KIF13B: variants seen among roughly 807,000 people sequenced by gnomAD.
KIF13B encodes the protein kinesin-like protein KIF13B.
KIF13B carries 127 observed loss-of-function variants against 222.0 expected under a neutral mutation model. That is an observed-to-expected ratio of 0.57 (90% CI 0.50 to 0.66). The LOEUF (loss-of-function observed/expected upper bound fraction) is 0.66, where lower values mean the gene tolerates loss of function less well. Ranked by LOEUF, KIF13B falls within the 30% of genes least tolerant of loss-of-function variation. The pLI, the probability that KIF13B is intolerant of heterozygous loss-of-function variation, is 0.00. For missense variants in KIF13B, 2,173 were observed against 2,379.0 expected, an observed-to-expected ratio of 0.91 and a Z score of 1.80; for synonymous variants, 976 against 919.0, an observed-to-expected ratio of 1.06 and a Z score of -1.12.
intron 31 of KIF13B, among the ~76,000 whole-genome samples, chr8:29,114,286 C>A (rs1021314841): frequency 4.6e-5 from 7 of 152,222 alleles, no homozygotes; most frequent in Admixed American, 3.9e-4. Context: ...AAGAAAAGAG[C>A]AAAGCCAAGC....
Position 29,100,739 on chromosome 8 carries a change from C to T in KIF13B, c.4216-1498G>A, listed in dbSNP as rs115981800. Among the ~76,000 whole-genome samples the T allele has an allele frequency of 3.4e-3, 514 of 152,298 alleles. 5 individuals carry two copies. The highest frequency in any genetic ancestry group is 0.011 in the African/African-American group (476 of 41,558). ...TGCTGAGATTACAGGCGTGAGCCAACGCGCCTGGCAAGTTTTCTTTACTAA... is the reference window on the plus strand; with the variant it reads ...TGCTGAGATTACAGGCGTGAGCCAATGCGCCTGGCAAGTTTTCTTTACTAA... On this transcript the variant is annotated intron_variant, in intron 35 of 39. Transcript: ENST00000524189.
Position 29,208,560 on chromosome 8 carries a change from C to T in KIF13B, c.150-12361G>A, listed in dbSNP as rs571172166. ...CTATAACCCAAAAAAGGTTAAGAAA[C>T]AGTGTGCTAGAGACAATTTATGAAG... On this transcript the variant is annotated intron_variant, in intron 2 of 39. Coordinates refer to ENST00000524189, the MANE Select transcript of KIF13B (RefSeq NM_015254.4). 2.6e-5 allele frequency among the ~76,000 whole-genome samples: 4 copies of T among 152,216 alleles called. No individual in the cohort carries two copies. The East Asian group carries it at 7.7e-4, about 29-fold the overall frequency.
At chr8:29,123,600 T>C (rs1417946864) in intron 27 of KIF13B, 108 bp from the exon 28 acceptor site, 4 of 1,405,452 alleles carry the variant, frequency 2.8e-6, no homozygotes, top group Non-Finnish European at 3.9e-6. Flanking sequence ...AGCTCACAAG[T>C]GCTCCCCAGT....
chr8:29,178,701 A>T (rs1030094644), intron 8 of KIF13B, among the ~76,000 whole-genome samples: 6 of 152,106 alleles, frequency 3.9e-5, no homozygotes, highest in African/African-American at 1.2e-4. Context: ...TTATGCTGAA[A>T]AGGAAATAAG....
At chr8:29,095,222 G>T (rs999856836) in intron 36 of KIF13B, among the ~76,000 whole-genome samples, 1 of 152,132 alleles carries the variant, frequency 6.6e-6, no homozygotes, top group South Asian at 2.1e-4. Flanking sequence ...AAGATAAAGA[G>T]AAACTTCTGA....
At chr8:29,200,126 A>T (rs749912069) in intron 2 of KIF13B, among the ~76,000 whole-genome samples, 65 of 152,238 alleles carry the variant, frequency 4.3e-4, no homozygotes, top group Non-Finnish European at 1.2e-4. Flanking sequence ...TAAATTAATT[A>T]CAGAGCTAAG....
chr8:29,209,108 A>C (rs1814089592), intron 2 of KIF13B, among the ~76,000 whole-genome samples: 1 of 152,250 alleles, frequency 6.6e-6, no homozygotes, highest in African/African-American at 2.4e-5. Context: ...ACACCAACAG[A>C]ATAGTAACAT....
intron 6 of KIF13B, among the ~76,000 whole-genome samples, chr8:29,185,971 G>A (rs911624772): frequency 1.3e-5 from 2 of 152,166 alleles, no homozygotes; most frequent in East Asian, 3.8e-4. Context: ...ATGGGCACTT[G>A]TTTTTGTTCC....
At chr8:29,253,828 CAAAAAAAAAA>C (rs1163069689) in intron 1 of KIF13B, among the ~76,000 whole-genome samples, 1 of 21,546 alleles carries the variant, frequency 4.6e-5, no homozygotes, top group Non-Finnish European at 9.8e-5. Context: ...GAGACTGTCT[CAAAAAAAAAA>C]AAAAAAAAAA....
intron 4 of KIF13B, chr8:29,190,766 T>C: frequency 1.9e-6 from 1 of 513,578 alleles, no homozygotes; most frequent in Non-Finnish European, 3.6e-6. Flanking sequence ...GTAGAGAGCA[T>C]CGGAACTGAG....
At chr8:29,213,176 A>G (rs1324234372) in intron 2 of KIF13B, among the ~76,000 whole-genome samples, 5 of 152,202 alleles carry the variant, frequency 3.3e-5, no homozygotes, top group African/African-American at 4.8e-5. Flanking sequence ...CACTACCTAC[A>G]TAACATACTT....
chr8:29,136,399 A>G (rs1810555894), intron 21 of KIF13B, among the ~76,000 whole-genome samples: 1 of 151,970 alleles, frequency 6.6e-6, no homozygotes. Context: ...ACCAACATGG[A>G]GAAACCCCGT....
At chr8:29,090,310 T>C (rs1808236045) in intron 37 of KIF13B, among the ~76,000 whole-genome samples, 1 of 152,146 alleles carries the variant, frequency 6.6e-6, no homozygotes, top group East Asian at 1.9e-4. Flanking sequence ...CTACTCTGTT[T>C]AAACAGCTAA....
intron 10 of KIF13B, among the ~76,000 whole-genome samples, chr8:29,175,389 A>T (rs935787964): frequency 6.6e-6 from 1 of 152,130 alleles, no homozygotes; most frequent in African/African-American, 2.4e-5. Flanking sequence ...TGCACATCTT[A>T]TCTCCCTTAC....
chr8:29,116,247 T>C lies in KIF13B; in HGVS notation c.3837+584A>G, dbSNP rs567429069. Among the ~76,000 whole-genome samples, 4 of 152,118 alleles carry C rather than the reference T, an allele frequency of 2.6e-5. No homozygotes were observed. The East Asian group carries it at 5.8e-4, about 22-fold the overall frequency. On this transcript the variant is annotated intron_variant, in intron 31 of 39. Transcript: ENST00000524189. ...AAAGCCAAATATACAAATCAAAGAC[T>C]GCAAGAGGTAAAAGGTCTGGAACGC... is the stretch of plus-strand genomic sequence containing the variant.
intron 7 of KIF13B, 66 bp downstream of exon 7, chr8:29,181,853 C>G (rs1812725373): frequency 9.5e-7 from 1 of 1,054,840 alleles, no homozygotes; most frequent in South Asian, 1.5e-5. Flanking sequence ...CAAATTAAGC[C>G]AAGAAAAAAA....
intron 37 of KIF13B, among the ~76,000 whole-genome samples, chr8:29,090,828 T>C (rs1808265821): frequency 6.6e-6 from 1 of 152,172 alleles, no homozygotes; most frequent in South Asian, 2.1e-4. Context: ...TCATGCCTCA[T>C]AGCCTCATTC....
Position 29,261,057 on chromosome 8 carries a change from T to A in KIF13B, c.55+1923A>T, listed in dbSNP as rs141818243. ...ATAACAAAAATGGAAAAGAACAAAT[T>A]TATGTGTGGTAATCACTGAAAAAAG... On this transcript the variant is annotated intron_variant, in intron 1 of 39. Transcript: ENST00000524189. 1.2e-3 allele frequency among the ~76,000 whole-genome samples: 185 copies of A among 152,270 alleles called. 1 individual carries two copies. Among genetic ancestry groups the A allele is most frequent in the African/African-American group, 4.3e-3 (180 of 41,542 alleles).
chr8:29,249,773 G>A (rs1204707631), intron 1 of KIF13B, among the ~76,000 whole-genome samples: 2 of 152,116 alleles, frequency 1.3e-5, no homozygotes, highest in Non-Finnish European at 2.9e-5. Flanking sequence ...TTCAAGCAAA[G>A]AGCAAAGAGA....
Sources: gnomAD v4.1 joint callset for allele counts (sites outside exome capture counted in the v4.1 genomes callset) on GRCh38, gnomAD v4.1.1 for gene constraint, MANE v1.5 for transcripts, NCBI Gene and HGNC (gene_info 2026-07-23, HGNC 2026-07-21) for gene names.